The following KMT2C variants were observed in gnomAD, a reference collection of about 807,000 sequenced individuals.
KMT2C encodes histone-lysine N-methyltransferase 2C.
Under a neutral mutation model 507.9 loss-of-function variants are expected in KMT2C, and 88 were observed. The ratio of observed to expected loss-of-function variants is 0.17; its 90% CI spans 0.15 to 0.21. KMT2C has a LOEUF of 0.21. Ranked by LOEUF, KMT2C falls within the 10% of genes least tolerant of loss-of-function variation. KMT2C has a pLI of 1.00. For missense variants in KMT2C, 4,954 were observed against 5,957.8 expected (o/e 0.83, Z 5.55); for synonymous variants, 2,049 against 2,080.8 (o/e 0.98, Z 0.42).
At chr7:152,410,392 A>C (rs1473719783) in intron 1 of KMT2C, among the ~76,000 whole-genome samples, 1 of 149,196 alleles carries the variant, frequency 6.7e-6, no homozygotes, top group Non-Finnish European at 1.5e-5. Flanking sequence ...AGCTTGGGCG[A>C]CGGAGGAAGA....
At chr7:152,269,780 A>C (rs1403302265) in intron 7 of KMT2C, among the ~76,000 whole-genome samples, 1 of 152,194 alleles carries the variant, frequency 6.6e-6, no homozygotes, top group Admixed American at 6.5e-5. Context: ...ATGAAGCTAA[A>C]TGAAGTAAAG....
chr7:152,354,763 G>A (rs1456708715), intron 2 of KMT2C, among the ~76,000 whole-genome samples: 1 of 152,190 alleles, frequency 6.6e-6, no homozygotes, highest in African/African-American at 2.4e-5. Flanking sequence ...AGTAAGGATG[G>A]AGCCCAGTGA....
At chr7:152,210,651 CT>C (rs1303136128) in intron 23 of KMT2C, among the ~76,000 whole-genome samples, 1 of 151,956 alleles carries the variant, frequency 6.6e-6, no homozygotes, top group African/African-American at 2.4e-5. Flanking sequence ...TGCAACACCC[CT>C]GATCTGTAAC....
At chr7:152,359,135 T>A (rs1452171206) in intron 1 of KMT2C, among the ~76,000 whole-genome samples, 1 of 152,112 alleles carries the variant, frequency 6.6e-6, no homozygotes, top group Non-Finnish European at 1.5e-5. Context: ...GTGACTGTGA[T>A]GCAGATGACT....
chr7:152,224,106 A>G lies in KMT2C; in HGVS notation c.3232T>C (p.Cys1078Arg). ...GAAGATAAGCTTGCACAAGGAGCGC[A>G]CTGTGTGTAATTGTTCTGCCATTCA... is the stretch of plus-strand genomic sequence containing the variant. ...RCEWQNNYTQ[C>R]APCASLSSCP... The change falls in exon 20 of 59, where the codon TGC becomes CGC. Residue 1078 changes from cysteine to arginine, a missense_variant. Physicochemically the swap from Cys to Arg is radical, Grantham distance 180. Coordinates refer to ENST00000262189, the MANE Select transcript of KMT2C (RefSeq NM_170606.3). The G allele has an allele frequency of 6.2e-7, 1 of 1,609,552 alleles. No individual in the cohort carries two copies. The highest frequency in any genetic ancestry group is 8.5e-7 in the Non-Finnish European group (1 of 1,177,644).
At position 152,344,025 on chromosome 7, in the gene KMT2C, T is replaced by G. The variant is rs1024075817; in HGVS notation, c.251-13286A>C. Among the ~76,000 whole-genome samples, 7 of 152,230 alleles carry G rather than the reference T, an allele frequency of 4.6e-5. No homozygotes were observed. The South Asian group carries it at 1.4e-3, about 32-fold the overall frequency. On this transcript the variant is annotated intron_variant, in intron 2 of 58. Coordinates refer to ENST00000262189, the MANE Select transcript of KMT2C (RefSeq NM_170606.3). ...AAAACTTTTTTCTTATTAACTGATC[T>G]AATAGATAAGTTTGTTCAAAATAAT...
Position 152,182,208 on chromosome 7 carries a change from A to G in KMT2C, c.5652T>C (p.Pro1884=). Residue 1884 remains proline, a synonymous_variant, in exon 36 of 59, where the codon CCT becomes CCC. Coordinates refer to ENST00000262189, the MANE Select transcript of KMT2C (RefSeq NM_170606.3). ...ATGGTGGTCGTGAGTTAGAGGACCCAGGTGAAAACACTTGCGGTGAGGGTG... is the reference window on the plus strand; with the variant it reads ...ATGGTGGTCGTGAGTTAGAGGACCCGGGTGAAAACACTTGCGGTGAGGGTG... The part of the protein sequence containing the change: ...SQPPSPQVFS[P]GSSNSRPPSP... 6.2e-7 allele frequency: 1 copy of G among 1,614,138 alleles called. No individual in the cohort carries two copies. The highest frequency in any genetic ancestry group is 8.5e-7 in the Non-Finnish European group (1 of 1,180,024).
At position 152,297,065 on chromosome 7, in the gene KMT2C, G is replaced by A. The variant is rs552111860; in HGVS notation, c.849+12901C>T. On this transcript the variant is annotated intron_variant, in intron 6 of 58. Coordinates refer to ENST00000262189, the MANE Select transcript of KMT2C (RefSeq NM_170606.3). ...AGAAAGAAAGAAAGACAGAGAGAGA[G>A]AGAGAGAGAGAGAGAGAGAGAGAGA... is the stretch of plus-strand genomic sequence containing the variant. Among the ~76,000 whole-genome samples, 617 of 117,178 alleles carry A rather than the reference G, an allele frequency of 5.3e-3. 12 individuals are homozygous for A. The highest frequency in any genetic ancestry group is 0.024 in the African/African-American group (547 of 22,592). The allele number at this position is 117,178 out of a possible 152,430, so 76.9% of individuals were successfully genotyped here.
At chr7:152,170,516 T>C (rs190454304) in intron 40 of KMT2C, among the ~76,000 whole-genome samples, 155 of 152,328 alleles carry the variant, frequency 1.0e-3, no homozygotes, top group Non-Finnish European at 1.7e-3. Flanking sequence ...TGTGTTTGTT[T>C]GTTTGAGATG....
At chr7:152,168,171 T>TAA (rs2129106937) in intron 41 of KMT2C, among the ~76,000 whole-genome samples, 1 of 151,918 alleles carries the variant, frequency 6.6e-6, no homozygotes, top group Admixed American at 6.6e-5. Flanking sequence ...TCATCGTATG[T>TAA]AGTGAAATTC....
chr7:152,156,447 CTACAGAAATG>C, intron 44 of KMT2C, 101 bp from the exon 45 acceptor site: 1 of 1,425,468 alleles, frequency 7.0e-7, no homozygotes, highest in Non-Finnish European at 9.4e-7. Context: ...AGAAGCAAGG[CTACAGAAATG>C]TAATCAAGAT....
intron 6 of KMT2C, among the ~76,000 whole-genome samples, chr7:152,284,294 G>C (rs376224792): frequency 1.3e-5 from 2 of 152,142 alleles, no homozygotes; most frequent in East Asian, 3.9e-4. Flanking sequence ...TACAGAAATA[G>C]ACTCACTTTT....
At chr7:152,365,205 A>G (rs1317109302) in intron 1 of KMT2C, among the ~76,000 whole-genome samples, 1 of 152,226 alleles carries the variant, frequency 6.6e-6, no homozygotes, top group Non-Finnish European at 1.5e-5. Context: ...CAGCAAAAAA[A>G]AGTATCCTTC....
chr7:152,289,836 C>T (rs949049248), intron 6 of KMT2C, among the ~76,000 whole-genome samples: 6 of 152,030 alleles, frequency 3.9e-5, no homozygotes, highest in Non-Finnish European at 7.4e-5. Context: ...CACTGGAGGC[C>T]AGGAGTTCAA....
At position 152,281,749 on chromosome 7, in the gene KMT2C, A is replaced by C. The variant is rs74397443; in HGVS notation, c.850-7882T>G. Among the ~76,000 whole-genome samples, 47 of 149,546 alleles carry C rather than the reference A, an allele frequency of 3.1e-4. No homozygotes were observed. The East Asian group carries it at 7.1e-3, about 23-fold the overall frequency. ...TCCATCTCAAAAACAAAAACAAAAA[A>C]AAAAAGAAATTACTTTATTCCCATC... On this transcript the variant is annotated intron_variant, in intron 6 of 58. Transcript: ENST00000262189.
chr7:152,255,149 A>G (rs2095638091), intron 9 of KMT2C, among the ~76,000 whole-genome samples: 2 of 130,634 alleles, frequency 1.5e-5, no homozygotes, highest in South Asian at 2.4e-4. Flanking sequence ...ATATATACAT[A>G]TATATATATG....
At chr7:152,169,927 C>T (rs935495699) in intron 40 of KMT2C, among the ~76,000 whole-genome samples, 1 of 152,136 alleles carries the variant, frequency 6.6e-6, no homozygotes, top group Non-Finnish European at 1.5e-5. Flanking sequence ...GGTGACTGAA[C>T]AAGCAGTTAT....
At chr7:152,342,572 A>G (rs1390871541) in intron 2 of KMT2C, among the ~76,000 whole-genome samples, 1 of 152,228 alleles carries the variant, frequency 6.6e-6, no homozygotes, top group Non-Finnish European at 1.5e-5. Context: ...ATGAATCACA[A>G]CTTACCTGAG....
In KMT2C at chr7:152,180,733, G is replaced by A. The variant is rs749660959; in HGVS notation, c.7127C>T (p.Ala2376Val). The A allele has an allele frequency of 9.9e-6, 16 of 1,613,160 alleles. No homozygotes were observed. In the Admixed American group the frequency reaches 2.5e-4, roughly 25 times the overall value. The change falls in exon 36 of 59, where the codon GCA (alanine) becomes GTA (valine). Residue 2376 changes from alanine (A) to valine (V), a missense_variant. By Grantham distance (64) the Ala-to-Val change is moderately conservative. Coordinates refer to ENST00000262189, the MANE Select transcript of KMT2C (RefSeq NM_170606.3). ...TACCTGTCTCAATTTCTCTGTATCT[G>A]CTTGGGCCATATTTACAGTATTCTG... is the stretch of plus-strand genomic sequence containing the variant. The part of the protein sequence containing the change: ...DTQNTVNMAQ[A>V]DTEKLRQRQK...
Sources: gnomAD v4.1 joint callset for allele counts (sites outside exome capture counted in the v4.1 genomes callset) on GRCh38, gnomAD v4.1.1 for gene constraint, MANE v1.5 for transcripts, NCBI Gene and HGNC (gene_info 2026-07-23, HGNC 2026-07-21) for gene names.